Variants in VTI1A observed in about 807,000 individuals in gnomAD.
The protein encoded by VTI1A is vesicle transport through interaction with t-SNAREs homolog 1A.
In VTI1A, 22 loss-of-function variants were observed where a neutral mutation model predicts 34.9. That is an observed-to-expected ratio of 0.63 (90% CI 0.45 to 0.90). The LOEUF (loss-of-function observed/expected upper bound fraction) is 0.90, where lower values mean the gene tolerates loss of function less well. Ranked by LOEUF, VTI1A falls within the 40% of genes least tolerant of loss-of-function variation. VTI1A has a pLI of 0.00. For missense variants in VTI1A, 268 were observed against 275.6 expected (o/e 0.97, Z 0.20); for synonymous variants, 87 against 97.3 (o/e 0.89, Z 0.62).
At chr10:112,447,092 T>C (rs1370554091), upstream of VTI1A, 1 of 454,468 alleles carries the variant, frequency 2.2e-6, no homozygotes, top group African/African-American at 1.9e-5. Context: ...CATATTTTCA[T>C]ACGCTTTTCT....
chr10:112,679,620 A>G (rs1282958684), intron 7 of VTI1A, among the ~76,000 whole-genome samples: 1 of 152,166 alleles, frequency 6.6e-6, no homozygotes, highest in African/African-American at 2.4e-5. Flanking sequence ...AAATTTGACC[A>G]CAATTTTAAA....
At chr10:112,545,693 T>A (rs1315985541) in intron 5 of VTI1A, among the ~76,000 whole-genome samples, 1 of 152,202 alleles carries the variant, frequency 6.6e-6, no homozygotes, top group Non-Finnish European at 1.5e-5. Flanking sequence ...TGGATCAGAA[T>A]TTGCATTTTA....
chr10:112,621,985 G>A (rs1845754043), intron 5 of VTI1A, among the ~76,000 whole-genome samples: 2 of 152,136 alleles, frequency 1.3e-5, no homozygotes, highest in African/African-American at 4.8e-5. Flanking sequence ...TCAGTTGTGG[G>A]AGTCGAGAGA....
chr10:112,844,336 G>A, the VTI1A span, among the ~76,000 whole-genome samples: 2 of 152,144 alleles, frequency 1.3e-5, no homozygotes, highest in African/African-American at 4.8e-5. Context: ...CCAAACTTGA[G>A]TTGAGAACCA....
At chr10:112,623,095 C>T (rs932222451) in intron 5 of VTI1A, among the ~76,000 whole-genome samples, 2 of 152,090 alleles carry the variant, frequency 1.3e-5, no homozygotes, top group Non-Finnish European at 2.9e-5. Flanking sequence ...TTTTGCACCT[C>T]GTATGTTCAG....
intron 4 of VTI1A, among the ~76,000 whole-genome samples, chr10:112,532,848 A>G (rs1447203821): frequency 6.6e-6 from 1 of 152,134 alleles, no homozygotes; most frequent in Non-Finnish European, 1.5e-5. Context: ...TAGCCTCTTA[A>G]GCAAAATAAA....
chr10:112,761,222 A>G (rs145194341), intron 7 of VTI1A, among the ~76,000 whole-genome samples: 3 of 152,278 alleles, frequency 2.0e-5, no homozygotes, highest in Admixed American at 1.3e-4. Flanking sequence ...TGCCATGCCC[A>G]TGTTTGCTGA....
chr10:112,471,931 A>G (rs1241298351), intron 3 of VTI1A, among the ~76,000 whole-genome samples: 2 of 152,236 alleles, frequency 1.3e-5, no homozygotes, highest in East Asian at 3.8e-4. Context: ...AAAATGTTTG[A>G]CCAAGTCTCA....
chr10:112,829,985 C>T, the VTI1A span, among the ~76,000 whole-genome samples: 1 of 151,988 alleles, frequency 6.6e-6, no homozygotes. Flanking sequence ...TGCTGAGGGG[C>T]AATTAAAAGG....
At chr10:112,739,527 A>G (rs1295017202) in intron 7 of VTI1A, among the ~76,000 whole-genome samples, 2 of 152,260 alleles carry the variant, frequency 1.3e-5, no homozygotes, top group African/African-American at 4.8e-5. Flanking sequence ...AACAGATGAA[A>G]TATGGTTTTC....
At chr10:112,843,240 G>C in the VTI1A span, among the ~76,000 whole-genome samples, 7 of 152,334 alleles carry the variant, frequency 4.6e-5, no homozygotes, top group South Asian at 1.2e-3. Flanking sequence ...GCAGTTCCAG[G>C]CTTCTCCCCT....
intron 7 of VTI1A, among the ~76,000 whole-genome samples, chr10:112,785,474 T>A (rs1405205131): frequency 6.6e-6 from 1 of 152,246 alleles, no homozygotes; most frequent in Non-Finnish European, 1.5e-5. Flanking sequence ...TTTTATTTTC[T>A]TAATGGGGAA....
At chr10:112,832,937 G>A in the VTI1A span, among the ~76,000 whole-genome samples, 1 of 152,170 alleles carries the variant, frequency 6.6e-6, no homozygotes, top group African/African-American at 2.4e-5. Context: ...TGGAATAGAT[G>A]CAAAGGTCTG....
intron 5 of VTI1A, among the ~76,000 whole-genome samples, chr10:112,630,092 CAA>C (rs749757076): frequency 6.6e-6 from 1 of 152,110 alleles, no homozygotes; most frequent in Non-Finnish European, 1.5e-5. Flanking sequence ...CCCAATTGAT[CAA>C]AAGATGAAGG....
In VTI1A at chr10:112,555,197, C is replaced by G. The variant is rs76724191; in HGVS notation, c.427+16867C>G. ...TCTCTATATTTAAAGTGCCTAAAATCTATTCTTGAAAAATTATTTCACATC... is the reference window on the plus strand; with the variant it reads ...TCTCTATATTTAAAGTGCCTAAAATGTATTCTTGAAAAATTATTTCACATC... On this transcript the variant is annotated intron_variant, in intron 5 of 7. Transcript: ENST00000393077. 6.1e-3 allele frequency among the ~76,000 whole-genome samples: 935 copies of G among 152,082 alleles called. 14 individuals carry two copies. Among genetic ancestry groups the G allele is most frequent in the African/African-American group, 0.021 (888 of 41,510 alleles).
intron 3 of VTI1A, among the ~76,000 whole-genome samples, chr10:112,514,265 C>T (rs1164903287): frequency 6.6e-6 from 1 of 151,876 alleles, no homozygotes; most frequent in Non-Finnish European, 1.5e-5. Flanking sequence ...GGAATTTATC[C>T]ATTTCTTCTA....
chr10:112,814,763 G>C (rs764203557), intron 7 of VTI1A, among the ~76,000 whole-genome samples: 1 of 152,190 alleles, frequency 6.6e-6, no homozygotes, highest in Non-Finnish European at 1.5e-5. Context: ...TGGTTTCACA[G>C]CCTAAGCTGC....
chr10:112,470,986 G>C (rs888635683), intron 3 of VTI1A, among the ~76,000 whole-genome samples: 1 of 152,164 alleles, frequency 6.6e-6, no homozygotes, highest in Admixed American at 6.5e-5. Context: ...GGGTCAGGGT[G>C]GGGGCGCTCA....
At chr10:112,839,402 C>T in the VTI1A span, among the ~76,000 whole-genome samples, 7 of 152,124 alleles carry the variant, frequency 4.6e-5, no homozygotes, top group Non-Finnish European at 1.0e-4. Flanking sequence ...CTGAGGAACC[C>T]GGTGGGGAGT....
Sources: gnomAD v4.1 joint callset for allele counts (sites outside exome capture counted in the v4.1 genomes callset) on GRCh38, gnomAD v4.1.1 for gene constraint, MANE v1.5 for transcripts, NCBI Gene and HGNC (gene_info 2026-07-23, HGNC 2026-07-21) for gene names.